The following PRPSAP2 variants were observed in gnomAD, a reference collection of about 807,000 sequenced individuals.
PRPSAP2 encodes the protein phosphoribosyl pyrophosphate synthase-associated protein 2.
A neutral mutation model predicts 40.6 loss-of-function variants in PRPSAP2; 24 were observed. The observed-to-expected ratio is 0.59, with a 90% CI of 0.43 to 0.83. PRPSAP2 has a LOEUF of 0.83. Ranked by LOEUF, PRPSAP2 falls within the 40% of genes least tolerant of loss-of-function variation. The probability of loss-of-function intolerance (pLI) is 0.00; values close to 1 mark genes in which losing one functional copy is unlikely to be tolerated. For missense variants in PRPSAP2, 292 were observed against 465.6 expected, an observed-to-expected ratio of 0.63 and a Z score of 3.43; for synonymous variants, 149 against 164.7, an observed-to-expected ratio of 0.90 and a Z score of 0.73.
chr17:18,914,957 C>T (rs796355104), intron 9 of PRPSAP2, among the ~76,000 whole-genome samples: 67 of 151,616 alleles, frequency 4.4e-4, no homozygotes, highest in African/African-American at 1.6e-3. Context: ...AACTCCTGAA[C>T]TCAAGTGGTC....
chr17:18,882,544 CT>C, intron 6 of PRPSAP2, 23 bp from the exon 7 acceptor site: 1 of 1,362,502 alleles, frequency 7.3e-7, no homozygotes, highest in South Asian at 1.2e-5. Flanking sequence ...CTATTTATTG[CT>C]TGTGTCTGCT....
intron 4 of PRPSAP2, among the ~76,000 whole-genome samples, chr17:18,868,371 A>G (rs143110088): frequency 1.7e-3 from 264 of 152,180 alleles, no homozygotes; most frequent in African/African-American, 6.2e-3. Flanking sequence ...GCTCCTGGGA[A>G]GGCTGAGGCA....
intron 5 of PRPSAP2, among the ~76,000 whole-genome samples, chr17:18,875,847 CTG>C (rs1408037189): frequency 1.8e-5 from 2 of 113,124 alleles, no homozygotes; most frequent in East Asian, 4.7e-4. Context: ...GAGTGAGACT[CTG>C]TCTCAAAAAA....
intron 7 of PRPSAP2, among the ~76,000 whole-genome samples, chr17:18,886,929 C>CT (rs71155365): frequency 0.075 from 5,661 of 75,320 alleles, 312 homozygotes; most frequent in Non-Finnish European, 0.083. Flanking sequence ...TTCTTTTCTT[C>CT]TTTTTTTTTT....
chr17:18,907,161 G>C lies in PRPSAP2; in HGVS notation c.585-3942G>C, dbSNP rs181912451. On this transcript the variant is annotated intron_variant, in intron 8 of 11. Transcript: ENST00000268835. ...TGGTAAGCCAAGACTGCGAGAACTT[G>C]TTGGATTCTTAAACACTTGAACATT... is the stretch of plus-strand genomic sequence containing the variant. Among the ~76,000 whole-genome samples, 3 of 152,180 alleles carry C rather than the reference G, an allele frequency of 2.0e-5. No homozygotes were observed. In the East Asian group the frequency reaches 5.8e-4, roughly 29 times the overall value.
chr17:18,876,253 C>G (rs1042833482), intron 5 of PRPSAP2, among the ~76,000 whole-genome samples: 2 of 152,202 alleles, frequency 1.3e-5, no homozygotes, highest in Non-Finnish European at 2.9e-5. Context: ...AAAATTCCAT[C>G]CATTAACTGA....
intron 10 of PRPSAP2, among the ~76,000 whole-genome samples, chr17:18,926,569 C>T (rs957882894): frequency 1.8e-4 from 27 of 152,264 alleles, no homozygotes; most frequent in African/African-American, 6.0e-4. Context: ...ACCCAGCCGC[C>T]AGTGCATTTT....
intron 5 of PRPSAP2, among the ~76,000 whole-genome samples, chr17:18,874,545 G>T (rs2038131507): frequency 1.3e-5 from 2 of 152,226 alleles, no homozygotes; most frequent in South Asian, 4.1e-4. Context: ...AAGAGGAGTG[G>T]CAGGGGAGAC....
intron 8 of PRPSAP2, among the ~76,000 whole-genome samples, chr17:18,896,067 G>A (rs749152807): frequency 4.6e-5 from 7 of 152,050 alleles, no homozygotes; most frequent in African/African-American, 1.5e-4. Context: ...CACCATGCCC[G>A]GCCCATATTT....
chr17:18,869,623 C>T (rs938348173), intron 4 of PRPSAP2, among the ~76,000 whole-genome samples: 2 of 151,474 alleles, frequency 1.3e-5, no homozygotes, highest in Non-Finnish European at 2.9e-5. Context: ...GTGCCTCAGC[C>T]TCCCAAAGTG....
chr17:18,862,188 A>G (rs1165990632), intron 1 of PRPSAP2, among the ~76,000 whole-genome samples: 1 of 152,190 alleles, frequency 6.6e-6, no homozygotes, highest in African/African-American at 2.4e-5. Flanking sequence ...GCGCCTGGCC[A>G]CAGCATGTTC....
chr17:18,870,154 A>T (rs2151890508), intron 4 of PRPSAP2, among the ~76,000 whole-genome samples: 1 of 152,254 alleles, frequency 6.6e-6, no homozygotes, highest in African/African-American at 2.4e-5. Context: ...ACATATAAAA[A>T]AGTTGAAAGA....
intron 8 of PRPSAP2, among the ~76,000 whole-genome samples, chr17:18,893,298 G>A (rs958466294): frequency 3.3e-5 from 5 of 151,788 alleles, no homozygotes; most frequent in East Asian, 1.9e-4. Flanking sequence ...ACAGGTGCCC[G>A]CCACCACACC....
chr17:18,879,941 A>G (rs1363124950), intron 6 of PRPSAP2, among the ~76,000 whole-genome samples: 1 of 151,984 alleles, frequency 6.6e-6, no homozygotes, highest in East Asian at 2.0e-4. Flanking sequence ...TACTAACAAT[A>G]CAAAATTAGC....
chr17:18,912,594 T>C (rs997881763), intron 9 of PRPSAP2, among the ~76,000 whole-genome samples: 10 of 152,150 alleles, frequency 6.6e-5, no homozygotes, highest in African/African-American at 1.9e-4. Flanking sequence ...CTAAATATCA[T>C]CTAAATCAAA....
chr17:18,921,335 T>C (rs899554490), intron 9 of PRPSAP2, among the ~76,000 whole-genome samples: 2 of 152,234 alleles, frequency 1.3e-5, no homozygotes, highest in Admixed American at 1.3e-4. Flanking sequence ...TATAAGGCTT[T>C]TTGTCAAATT....
chr17:18,864,441 C>T (rs554591295), intron 1 of PRPSAP2, among the ~76,000 whole-genome samples: 5 of 151,868 alleles, frequency 3.3e-5, no homozygotes, highest in Non-Finnish European at 7.4e-5. Flanking sequence ...CTATAGGCAG[C>T]CACCACCACG....
intron 8 of PRPSAP2, among the ~76,000 whole-genome samples, chr17:18,900,287 A>G (rs2040188064): frequency 6.6e-6 from 1 of 152,172 alleles, no homozygotes; most frequent in South Asian, 2.1e-4. Flanking sequence ...CTCCCAAAGT[A>G]CTGGAATTAC....
chr17:18,894,593 C>G (rs1192892770), intron 8 of PRPSAP2, among the ~76,000 whole-genome samples: 1 of 151,498 alleles, frequency 6.6e-6, no homozygotes, highest in Non-Finnish European at 1.5e-5. Flanking sequence ...AATTCTCTGC[C>G]TCACCTCCTG....
Sources: allele counts gnomAD v4.1 joint callset (sites outside exome capture counted in the v4.1 genomes callset), GRCh38; gene constraint gnomAD v4.1.1; transcripts MANE v1.5; gene names NCBI Gene and HGNC (gene_info 2026-07-23, HGNC 2026-07-21).